STXBP5: variants seen among roughly 807,000 people sequenced by gnomAD.
STXBP5 encodes the protein syntaxin-binding protein 5.
A neutral mutation model predicts 152.4 loss-of-function variants in STXBP5; 50 were observed. The ratio of observed to expected loss-of-function variants is 0.33; its 90% CI spans 0.26 to 0.42. The LOEUF is 0.42. Ranked by LOEUF, STXBP5 falls within the 10% of genes least tolerant of loss-of-function variation. STXBP5 has a pLI of 1.00. For synonymous variants in STXBP5, 492 were observed against 494.7 expected, an observed-to-expected ratio of 0.99 and a Z score of 0.07; for missense variants, 1,167 against 1,388.6, an observed-to-expected ratio of 0.84 and a Z score of 2.54.
At chr6:147,251,820 C>T (rs1174673944) in intron 4 of STXBP5, among the ~76,000 whole-genome samples, 1 of 150,948 alleles carries the variant, frequency 6.6e-6, no homozygotes, top group African/African-American at 2.4e-5. Flanking sequence ...CAGGGGTCGA[C>T]AGACACCTCA....
chr6:147,355,790 T>A (rs1447740439), intron 22 of STXBP5, among the ~76,000 whole-genome samples: 1 of 152,272 alleles, frequency 6.6e-6, no homozygotes. Flanking sequence ...TGGTAGGCCT[T>A]GCTTAGTGTT....
chr6:147,258,798 G>T (rs633603), intron 4 of STXBP5, among the ~76,000 whole-genome samples: 75,689 of 151,798 alleles, frequency 0.5, 19,134 homozygotes, highest in East Asian at 0.72. Flanking sequence ...ATTTTTAAAT[G>T]TATTATATAA....
intron 2 of STXBP5, among the ~76,000 whole-genome samples, chr6:147,226,433 G>T (rs988674820): frequency 1.3e-5 from 2 of 152,286 alleles, no homozygotes; most frequent in Admixed American, 1.3e-4. Context: ...AGATTACCAC[G>T]TTCCTATTAC....
chr6:147,340,066 C>T (rs1014855129), intron 21 of STXBP5, among the ~76,000 whole-genome samples: 1 of 151,910 alleles, frequency 6.6e-6, no homozygotes, highest in Non-Finnish European at 1.5e-5. Context: ...TTTTTAAAGT[C>T]TTGAAAAACA....
chr6:147,351,399 A>G (rs191883955), intron 21 of STXBP5, among the ~76,000 whole-genome samples: 2 of 152,308 alleles, frequency 1.3e-5, no homozygotes, highest in Admixed American at 6.5e-5. Flanking sequence ...TTTATTTTCT[A>G]CATCTGATAT....
intron 2 of STXBP5, among the ~76,000 whole-genome samples, chr6:147,234,110 T>C (rs1441896030): frequency 1.3e-5 from 2 of 151,754 alleles, no homozygotes; most frequent in African/African-American, 4.8e-5. Context: ...TTAAGAACTT[T>C]GTGGCATGTA....
At chr6:147,230,044 T>G (rs944814446) in intron 2 of STXBP5, among the ~76,000 whole-genome samples, 4 of 151,920 alleles carry the variant, frequency 2.6e-5, no homozygotes, top group Non-Finnish European at 5.9e-5. Context: ...TTTCTGGTTT[T>G]ATTGAGTTGA....
rs186283642 is a variant in STXBP5, at chr6:147,372,591, C to T, written c.3082-1140C>T. Reference sequence around the variant, plus strand: ...CTGGGATTACAGGCGCAGGCCACCACGCCCTGCTAATTTTTGTATTTTTAG... The same window carrying T: ...CTGGGATTACAGGCGCAGGCCACCATGCCCTGCTAATTTTTGTATTTTTAG... On this transcript the variant is annotated intron_variant, in intron 25 of 27. Coordinates refer to ENST00000321680, the MANE Select transcript of STXBP5 (RefSeq NM_001127715.4). Among the ~76,000 whole-genome samples the T allele has an allele frequency of 3.9e-3, 592 of 151,234 alleles. 7 individuals are homozygous for T. Among genetic ancestry groups the T allele is most frequent in the African/African-American group, 0.013 (534 of 41,304 alleles).
rs529743546 is a variant in STXBP5, at chr6:147,242,428, TA to T, written c.431+3159del. On this transcript the variant is annotated intron_variant, in intron 4 of 27. Transcript: ENST00000321680. Reference sequence around the variant, plus strand: ...TAGCCTGGACTAAGAGTCCAGTGTTTATAAAGTCTACACTAGGGTACAGTAA... The same window carrying T: ...TAGCCTGGACTAAGAGTCCAGTGTTTTAAAGTCTACACTAGGGTACAGTAA... Among the ~76,000 whole-genome samples the T allele has an allele frequency of 5.1e-4, 78 of 152,230 alleles. 1 individual carries two copies. Among genetic ancestry groups the T allele is most frequent in the Non-Finnish European group, 6.3e-4 (43 of 67,994 alleles).
At position 147,359,076 on chromosome 6, in the gene STXBP5, C is replaced by A; in HGVS notation, c.2306-8C>A. Reference sequence around the variant, plus strand: ...TGAGCAATCTCACAACATTTTTAACCATTTCAGATGTAAAGGATAACTCCT... The same window carrying A: ...TGAGCAATCTCACAACATTTTTAACAATTTCAGATGTAAAGGATAACTCCT... On this transcript the variant is annotated splice_region_variant and splice_polypyrimidine_tract_variant and intron_variant, in intron 22 of 27. Transcript: ENST00000321680. 1 of 1,609,906 alleles carries A rather than the reference C, an allele frequency of 6.2e-7. No homozygotes were observed. The highest frequency in any genetic ancestry group is 1.1e-5 in the South Asian group (1 of 90,632).
At chr6:147,213,116 G>A (rs1288886241) in intron 2 of STXBP5, among the ~76,000 whole-genome samples, 2 of 152,142 alleles carry the variant, frequency 1.3e-5, no homozygotes, top group African/African-American at 4.8e-5. Context: ...ATTGTATAGT[G>A]TAATAACTTG....
At chr6:147,315,968 A>G (rs1274306604) in intron 15 of STXBP5, among the ~76,000 whole-genome samples, 1 of 152,224 alleles carries the variant, frequency 6.6e-6, no homozygotes, top group African/African-American at 2.4e-5. Flanking sequence ...GCTAATATGA[A>G]TATGAGTATA....
Position 147,389,310 on chromosome 6 carries a change from AAAAG to A in STXBP5, c.*4556_*4559del, listed in dbSNP as rs1193081106. ...AACCAAAAACAACCAAAAAAAGAAA[AAAAG>A]GGAAAACTGGCTTACCTTTCTCAGA... On this transcript the variant is annotated 3_prime_UTR_variant, in exon 28 of 28. Coordinates refer to ENST00000321680, the MANE Select transcript of STXBP5 (RefSeq NM_001127715.4). The A allele has an allele frequency of 1.3e-5, 2 of 151,846 alleles. No homozygotes were observed. Among genetic ancestry groups the A allele is most frequent in the Non-Finnish European group, 3.0e-5 (2 of 67,780 alleles). The allele number at this position is 151,846 out of a possible 1,614,324, so 9.4% of individuals were successfully genotyped here.
At chr6:147,267,709 G>A (rs1165805952) in intron 7 of STXBP5, among the ~76,000 whole-genome samples, 1 of 151,752 alleles carries the variant, frequency 6.6e-6, no homozygotes, top group Non-Finnish European at 1.5e-5. Context: ...TTTGCCCTCA[G>A]ATTTCCTATA....
rs554825339 is a variant in STXBP5, at chr6:147,380,751, G to A, written c.3194-2027G>A. ...ATCCAAAGAATGGGATGAAATATTTGCAAATCACATATCTGATATCAGATT... is the reference window on the plus strand; with the variant it reads ...ATCCAAAGAATGGGATGAAATATTTACAAATCACATATCTGATATCAGATT... On this transcript the variant is annotated intron_variant, in intron 26 of 27. Transcript: ENST00000321680. Among the ~76,000 whole-genome samples, 3 of 152,162 alleles carry A rather than the reference G, an allele frequency of 2.0e-5. No homozygotes were observed. In the East Asian group the frequency reaches 5.8e-4, roughly 29 times the overall value.
At position 147,314,312 on chromosome 6, in the gene STXBP5, C is replaced by T. The variant is rs773669115; in HGVS notation, c.1342C>T (p.Pro448Ser). The T allele has an allele frequency of 2.5e-6, 4 of 1,611,832 alleles. No homozygotes were observed. The highest frequency in any genetic ancestry group is 1.1e-5 in the South Asian group (1 of 91,038). ...TTGGGGCTTGGGTGCTCAAAGTTAC[C>T]CAGAAATAATTATTACAGGGTAAGT... ...GNWGLGAQSYPEIIITGHADG... is the reference protein window; with the variant it reads ...GNWGLGAQSYSEIIITGHADG... The change falls in exon 13 of 28, where the codon CCA (proline) becomes TCA (serine). Residue 448 changes from proline to serine, a missense_variant. Physicochemically the swap from Pro to Ser is moderately conservative, Grantham distance 74. This residue lies in a region of STXBP5 where 833 missense variants were observed against 986.3 expected (regional missense o/e 0.84). Coordinates refer to ENST00000321680, the MANE Select transcript of STXBP5 (RefSeq NM_001127715.4).
At chr6:147,255,414 G>T (rs1159921301) in intron 4 of STXBP5, among the ~76,000 whole-genome samples, 1 of 152,178 alleles carries the variant, frequency 6.6e-6, no homozygotes, top group African/African-American at 2.4e-5. Context: ...CATATTTAAG[G>T]ACCTGTAGTT....
chr6:147,205,060 ATGT>A (rs373155475), intron 1 of STXBP5, among the ~76,000 whole-genome samples: 15 of 152,136 alleles, frequency 9.9e-5, no homozygotes, highest in South Asian at 4.1e-4. Flanking sequence ...TGTCTAATGA[ATGT>A]TGTTTATCAA....
At chr6:147,349,465 A>C (rs12199542) in intron 21 of STXBP5, among the ~76,000 whole-genome samples, 1 of 151,974 alleles carries the variant, frequency 6.6e-6, no homozygotes. Context: ...ATACTTTAAA[A>C]TTTCTGCATG....
Sources: allele counts gnomAD v4.1 joint callset (sites outside exome capture counted in the v4.1 genomes callset), GRCh38; gene constraint gnomAD v4.1.1; regional missense constraint gnomAD v4.1.1; transcripts MANE v1.5; gene names NCBI Gene and HGNC (gene_info 2026-07-23, HGNC 2026-07-21).